GRK3: variants seen among roughly 807,000 people sequenced by gnomAD.
GRK3 encodes the protein G protein-coupled receptor kinase 3, also known as adrenergic, beta, receptor kinase 2.
In GRK3, 54 loss-of-function variants were observed where a neutral mutation model predicts 95.7. The ratio of observed to expected loss-of-function variants is 0.56; its 90% confidence interval spans 0.45 to 0.71. The LOEUF (loss-of-function observed/expected upper bound fraction) is 0.71. Among genes scored for constraint, GRK3 ranks in the 30% least tolerant of loss-of-function variants. The pLI is 0.00. For synonymous variants in GRK3, 281 were observed against 290.8 expected, an observed-to-expected ratio of 0.97 and a Z score of 0.34; for missense variants, 649 against 851.2, an observed-to-expected ratio of 0.76 and a Z score of 2.96.
At chr22:25,661,451 A>G (rs999406259) in intron 3 of GRK3, 125 bp from the exon 4 acceptor site, 1 of 535,544 alleles carries the variant, frequency 1.9e-6, no homozygotes, top group Non-Finnish European at 3.3e-6. Context: ...TTCCTGTGGA[A>G]TAGCCGGTTC....
At chr22:25,662,086 C>T (rs2084913132) in intron 4 of GRK3, among the ~76,000 whole-genome samples, 1 of 152,138 alleles carries the variant, frequency 6.6e-6, no homozygotes, top group African/African-American at 2.4e-5. Flanking sequence ...GGCTTATAAT[C>T]ATTGTGTTAA....
intron 1 of GRK3, among the ~76,000 whole-genome samples, chr22:25,597,626 G>A (rs186563153): frequency 2.8e-3 from 420 of 152,180 alleles, no homozygotes; most frequent in African/African-American, 9.6e-3. Flanking sequence ...GCAGGGTAAA[G>A]GTAGGGAGAG....
At chr22:25,621,011 G>A (rs746706456) in intron 2 of GRK3, among the ~76,000 whole-genome samples, 3 of 151,374 alleles carry the variant, frequency 2.0e-5, no homozygotes, top group Non-Finnish European at 2.9e-5. Context: ...TGATCTTTAA[G>A]TACCTGTAGA....
chr22:25,566,391 A>G (rs1285521001), intron 1 of GRK3, among the ~76,000 whole-genome samples: 3 of 152,182 alleles, frequency 2.0e-5, no homozygotes, highest in Non-Finnish European at 2.9e-5. Context: ...GATTTTTTTT[A>G]CAAGTCATCC....
At chr22:25,599,017 AAAAC>A (rs1665777604) in intron 1 of GRK3, among the ~76,000 whole-genome samples, 2 of 152,178 alleles carry the variant, frequency 1.3e-5, no homozygotes, top group African/African-American at 4.8e-5. Context: ...AACAAAGACA[AAAAC>A]AAACCAAAAT....
At chr22:25,707,897 C>G (rs929986298) in intron 15 of GRK3, among the ~76,000 whole-genome samples, 1 of 152,046 alleles carries the variant, frequency 6.6e-6, no homozygotes, top group African/African-American at 2.4e-5. Flanking sequence ...GGCAGTACGT[C>G]TATCATCCCT....
chr22:25,578,164 A>G (rs1450113243), intron 1 of GRK3, among the ~76,000 whole-genome samples: 1 of 152,148 alleles, frequency 6.6e-6, no homozygotes, highest in Non-Finnish European at 1.5e-5. Context: ...ATGTGTGCTT[A>G]TCATCCCCAG....
At position 25,681,878 on chromosome 22, in the gene GRK3, G is replaced by A. The variant is rs147629841; in HGVS notation, c.747+2963G>A. 2.8e-4 allele frequency among the ~76,000 whole-genome samples: 42 copies of A among 152,184 alleles called. No individual in the cohort carries two copies. In the East Asian group the frequency reaches 6.6e-3, roughly 24 times the overall value. Reference sequence around the variant, plus strand: ...TTCTGACTTGTAATCAAGGCAGGCCGTCTTATCCATAATTATCCTTGGAAC... The same window carrying A: ...TTCTGACTTGTAATCAAGGCAGGCCATCTTATCCATAATTATCCTTGGAAC... On this transcript the variant is annotated intron_variant, in intron 9 of 20. Coordinates refer to ENST00000324198, the MANE Select transcript of GRK3 (RefSeq NM_005160.4).
Position 25,644,672 on chromosome 22 carries a change from A to G in GRK3, c.264+7A>G. ...GGTGAAGTTTTATGAAGAGGTAAGA[A>G]GTAACTGTTTTACTGATGCTTTTCT... On this transcript the variant is annotated splice_region_variant and intron_variant, in intron 3 of 20. Transcript: ENST00000324198. 4 of 1,479,622 alleles carry G rather than the reference A, an allele frequency of 2.7e-6. No homozygotes were observed. Among genetic ancestry groups the G allele is most frequent in the Non-Finnish European group, 2.8e-6 (3 of 1,072,378 alleles). 91.7% of individuals were successfully genotyped at this position (1,479,622 alleles called of 1,614,324 possible). A position where few individuals can be genotyped will look rare whatever the true frequency, so the allele number is the denominator to read the frequency against.
intron 1 of GRK3, among the ~76,000 whole-genome samples, chr22:25,592,812 C>T (rs558209362): frequency 5.6e-4 from 55 of 97,842 alleles, no homozygotes; most frequent in Admixed American, 3.3e-3. Context: ...CTCCCTCCCC[C>T]GCCATTCATC....
At chr22:25,572,178 G>A (rs1292870647) in intron 1 of GRK3, among the ~76,000 whole-genome samples, 1 of 152,076 alleles carries the variant, frequency 6.6e-6, no homozygotes, top group African/African-American at 2.4e-5. Context: ...CCCTACAAAG[G>A]ACATAAACTC....
Position 25,725,788 on chromosome 22 carries a change from T to C in GRK3, c.*3338T>C, listed in dbSNP as rs2085468803. 2.6e-6 allele frequency: 1 copy of C among 389,638 alleles called. No individual in the cohort carries two copies. Among genetic ancestry groups the C allele is most frequent in the Non-Finnish European group, 4.5e-6 (1 of 221,038 alleles). 24.1% of individuals were successfully genotyped at this position (389,638 alleles called of 1,614,324 possible). ...AGTGAAACCCCGTCTCTACTAAAAA[T>C]ACAAATAAAAATTAGCCGGGCGTGG... On this transcript the variant is annotated 3_prime_UTR_variant, in exon 21 of 21. Transcript: ENST00000324198.
chr22:25,672,441 A>G (rs1028037833), intron 7 of GRK3, 94 bp downstream of exon 7: 18 of 710,436 alleles, frequency 2.5e-5, no homozygotes, highest in Admixed American at 5.5e-5. Flanking sequence ...ACGTACTCCC[A>G]GAGGGTCCAC....
intron 9 of GRK3, among the ~76,000 whole-genome samples, chr22:25,679,388 G>C (rs1398825588): frequency 1.3e-5 from 2 of 152,136 alleles, no homozygotes; most frequent in Non-Finnish European, 1.5e-5. Context: ...GATCTTACCT[G>C]CCTCTCACTA....
chr22:25,592,813 G>C (rs573367763), intron 1 of GRK3, among the ~76,000 whole-genome samples: 840 of 84,620 alleles, frequency 9.9e-3, no homozygotes, highest in African/African-American at 0.037. Context: ...TCCCTCCCCC[G>C]CCATTCATCC....
intron 2 of GRK3, among the ~76,000 whole-genome samples, chr22:25,636,095 C>T (rs1029285772): frequency 2.0e-5 from 3 of 152,164 alleles, no homozygotes; most frequent in African/African-American, 4.8e-5. Flanking sequence ...CATCATCCTA[C>T]AAGTGCTTGC....
intron 2 of GRK3, among the ~76,000 whole-genome samples, chr22:25,617,565 TAACTTCAGAA>T (rs951512041): frequency 2.0e-5 from 3 of 152,254 alleles, no homozygotes; most frequent in African/African-American, 4.8e-5. Context: ...TGCATTTCCA[TAACTTCAGAA>T]AGCATAGTCT....
chr22:25,690,706 CG>C, intron 12 of GRK3, among the ~76,000 whole-genome samples: 1 of 152,050 alleles, frequency 6.6e-6, no homozygotes, highest in Non-Finnish European at 1.5e-5. Flanking sequence ...GGGAGGTCCT[CG>C]GGGCCAAGTT....
intron 15 of GRK3, among the ~76,000 whole-genome samples, chr22:25,705,686 C>T (rs534533399): frequency 6.6e-6 from 1 of 152,234 alleles, no homozygotes; most frequent in Middle Eastern, 3.4e-3. Flanking sequence ...TCGGGAAGGA[C>T]TCAGCCTGCA....
Sources: gnomAD v4.1 joint callset for allele counts (sites outside exome capture counted in the v4.1 genomes callset) on GRCh38, gnomAD v4.1.1 for gene constraint, MANE v1.5 for transcripts, NCBI Gene and HGNC (gene_info 2026-07-23, HGNC 2026-07-21) for gene names.